Variants in FRMD5 observed in about 807,000 individuals in gnomAD.
The protein encoded by FRMD5 is FERM domain-containing protein 5.
FRMD5 carries 20 observed loss-of-function variants against 69.0 expected under a neutral mutation model. That is an observed-to-expected ratio of 0.29 (90% CI 0.20 to 0.42). The LOEUF is 0.42. Ranked by LOEUF, FRMD5 falls within the 10% of genes least tolerant of loss-of-function variation. The pLI is 1.00. For missense variants in FRMD5, 595 were observed against 708.6 expected, an observed-to-expected ratio of 0.84 and a Z score of 1.82; for synonymous variants, 271 against 260.1, an observed-to-expected ratio of 1.04 and a Z score of -0.40.
chr15:44,071,926 T>TGCAATCTCGGC (rs1314968172), intron 1 of FRMD5, among the ~76,000 whole-genome samples: 6 of 152,138 alleles, frequency 3.9e-5, no homozygotes, highest in Non-Finnish European at 7.4e-5. Context: ...AGTGGAGTGG[T>TGCAATCTCGGC]GCAATCTCGG....
rs1447771681 is a variant in FRMD5 at position 43,882,749 on chromosome 15, T to C, written c.1135+954A>G. On this transcript the variant is annotated intron_variant, in intron 13 of 13. Transcript: ENST00000417257. ...AAGTGAAAATTCTTGGTTAACAGTCTCAGCCATCCTGATAATTTTACTGTG... is the reference window on the plus strand; with the variant it reads ...AAGTGAAAATTCTTGGTTAACAGTCCCAGCCATCCTGATAATTTTACTGTG... Among the ~76,000 whole-genome samples the C allele has an allele frequency of 3.9e-5, 6 of 152,326 alleles. No individual in the cohort carries two copies. The East Asian group carries it at 9.7e-4, about 25-fold the overall frequency.
At chr15:44,161,195 C>A (rs772452629) in intron 1 of FRMD5, among the ~76,000 whole-genome samples, 3 of 152,132 alleles carry the variant, frequency 2.0e-5, no homozygotes, top group African/African-American at 4.8e-5. Flanking sequence ...CCACCCATGT[C>A]CCACAGCTCC....
intron 1 of FRMD5, among the ~76,000 whole-genome samples, chr15:44,034,423 C>G (rs1354756914): frequency 6.6e-6 from 1 of 152,204 alleles, no homozygotes; most frequent in South Asian, 2.1e-4. Flanking sequence ...TAAAGGTTCA[C>G]TTGGTCTACA....
intron 1 of FRMD5, among the ~76,000 whole-genome samples, chr15:44,180,084 C>CA (rs1371651500): frequency 7.0e-6 from 1 of 142,888 alleles, no homozygotes; most frequent in Non-Finnish European, 1.5e-5. Flanking sequence ...GCAAAAAAGG[C>CA]AAAAAAAGAA....
intron 1 of FRMD5, chr15:43,989,362 T>C (rs1889555876): frequency 1.8e-5 from 14 of 785,940 alleles, no homozygotes; most frequent in South Asian, 2.7e-5. Flanking sequence ...GGTAGTTTCA[T>C]GGATGCCGCG....
chr15:44,177,596 A>G (rs2077921058), intron 1 of FRMD5, among the ~76,000 whole-genome samples: 1 of 152,186 alleles, frequency 6.6e-6, no homozygotes, highest in Non-Finnish European at 1.5e-5. Context: ...AATGAGTACA[A>G]GGTTTATTTT....
intron 13 of FRMD5, among the ~76,000 whole-genome samples, chr15:43,882,882 C>T (rs551032232): frequency 6.6e-6 from 1 of 152,022 alleles, no homozygotes; most frequent in African/African-American, 2.4e-5. Flanking sequence ...TCACTGCAGC[C>T]TCCACCTCTG....
At chr15:44,029,994 T>C (rs947272265) in intron 1 of FRMD5, among the ~76,000 whole-genome samples, 12 of 152,342 alleles carry the variant, frequency 7.9e-5, no homozygotes, top group South Asian at 2.1e-4. Flanking sequence ...CTCCAATGTT[T>C]CTGGTAATTA....
At chr15:44,173,929 A>G (rs553375495) in intron 1 of FRMD5, among the ~76,000 whole-genome samples, 1 of 149,790 alleles carries the variant, frequency 6.7e-6, no homozygotes, top group Admixed American at 6.7e-5. Context: ...CATTTTCTCT[A>G]TTTTTTTTTT....
At chr15:44,054,777 A>G (rs951586989) in intron 1 of FRMD5, among the ~76,000 whole-genome samples, 1 of 152,134 alleles carries the variant, frequency 6.6e-6, no homozygotes, top group African/African-American at 2.4e-5. Context: ...TCTGCTTCCA[A>G]AAGAGTGGAG....
At position 43,874,249 on chromosome 15, in the gene FRMD5, T is replaced by C. The variant is rs756530820; in HGVS notation, c.1349A>G (p.Asn450Ser). Residue 450 changes from asparagine to serine, a missense_variant, in exon 14 of 14, where the codon AAT becomes AGT. Transcript: ENST00000417257. ...CTCCTCAATGCTGCAGGTGGCTCCA[T>C]TGATCTGCCGGGAAAGCAACATCAG... ...LELMLLSRQI[N>S]GATCSIEEEK... is the part of the protein sequence containing the mutation. 8.7e-6 allele frequency: 14 copies of C among 1,614,102 alleles called. 1 individual carries two copies. The highest frequency in any genetic ancestry group is 4.0e-5 in the African/African-American group (3 of 74,928).
At chr15:44,088,117 T>G (rs991576583) in intron 1 of FRMD5, among the ~76,000 whole-genome samples, 1 of 152,174 alleles carries the variant, frequency 6.6e-6, no homozygotes, top group Non-Finnish European at 1.5e-5. Context: ...CTAGTTGAGA[T>G]AGGCAAAAAC....
At chr15:43,901,730 A>G (rs894357263) in intron 7 of FRMD5, among the ~76,000 whole-genome samples, 1 of 152,142 alleles carries the variant, frequency 6.6e-6, no homozygotes, top group Non-Finnish European at 1.5e-5. Flanking sequence ...ACAGGCGCAT[A>G]ATGGCATTAA....
intron 1 of FRMD5, among the ~76,000 whole-genome samples, chr15:44,118,850 A>C (rs572409988): frequency 1.3e-5 from 2 of 152,318 alleles, no homozygotes; most frequent in African/African-American, 4.8e-5. Flanking sequence ...ATCACTGCTC[A>C]CTGCAGCCTC....
chr15:44,163,772 A>G (rs1469698049), intron 1 of FRMD5, among the ~76,000 whole-genome samples: 5 of 152,218 alleles, frequency 3.3e-5, no homozygotes, highest in African/African-American at 1.2e-4. Context: ...GGTCTCAGGA[A>G]AAGGTAAAAA....
intron 1 of FRMD5, among the ~76,000 whole-genome samples, chr15:44,108,965 AAAAAT>A (rs3986153): frequency 0.038 from 5,244 of 136,822 alleles, 101 homozygotes; most frequent in Middle Eastern, 0.081. Context: ...CTCTCTAAAT[AAAAAT>A]AAAATAAAAT....
chr15:44,005,635 G>A (rs1890409486), intron 1 of FRMD5, among the ~76,000 whole-genome samples: 1 of 152,112 alleles, frequency 6.6e-6, no homozygotes, highest in Non-Finnish European at 1.5e-5. Flanking sequence ...GAAGGCAAAG[G>A]GGAAGCAAGG....
intron 4 of FRMD5, among the ~76,000 whole-genome samples, chr15:43,914,989 A>C (rs939651149): frequency 6.6e-6 from 1 of 152,066 alleles, no homozygotes; most frequent in African/African-American, 2.4e-5. Flanking sequence ...AGCCTCCCAA[A>C]GTGCTGGGAT....
At chr15:43,916,694 T>C (rs1197226121) in intron 4 of FRMD5, among the ~76,000 whole-genome samples, 4 of 152,164 alleles carry the variant, frequency 2.6e-5, no homozygotes, top group Non-Finnish European at 4.4e-5. Flanking sequence ...ATAAGTAAGA[T>C]CTGAGCTCCC....
Sources: gnomAD v4.1 joint callset for allele counts (sites outside exome capture counted in the v4.1 genomes callset) on GRCh38, gnomAD v4.1.1 for gene constraint, MANE v1.5 for transcripts, NCBI Gene and HGNC (gene_info 2026-07-23, HGNC 2026-07-21) for gene names.